The following CDH20 variants were observed in gnomAD, a reference collection of about 807,000 sequenced individuals.
CDH20 encodes the protein cadherin 20.
A neutral mutation model predicts 74.2 loss-of-function variants in CDH20; 29 were observed. The ratio of observed to expected loss-of-function variants is 0.39; its 90% CI spans 0.29 to 0.53. CDH20 has a LOEUF of 0.53. Ranked by LOEUF, CDH20 falls within the 20% of genes least tolerant of loss-of-function variation. CDH20 has a pLI of 0.69. For missense variants in CDH20, 988 were observed against 1,048.3 expected, an observed-to-expected ratio of 0.94 and a Z score of 0.79; for synonymous variants, 469 against 405.4, an observed-to-expected ratio of 1.16 and a Z score of -1.88.
chr18:61,493,485 T>G (rs1437400598), intron 2 of CDH20, among the ~76,000 whole-genome samples: 1 of 152,144 alleles, frequency 6.6e-6, no homozygotes, highest in East Asian at 1.9e-4. Context: ...GACTTCCTCC[T>G]CCCTCACTCA....
At position 61,353,729 on chromosome 18, in the gene CDH20, G is replaced by A. The variant is rs947140588; in HGVS notation, c.-153+19902G>A. Among the ~76,000 whole-genome samples, 2 of 152,082 alleles carry A rather than the reference G, an allele frequency of 1.3e-5. No homozygotes were observed. The highest frequency in any genetic ancestry group is 2.4e-5 in the African/African-American group (1 of 41,398). On this transcript the variant is annotated intron_variant, in intron 1 of 11. Coordinates refer to ENST00000262717, the MANE Select transcript of CDH20 (RefSeq NM_031891.4). This position sits in a 1 kb window ranked among gnomAD's most constrained non-coding sequence, Gnocchi z 4.6. ...TTGGCCTGCACTAGCCAATACAGCA[G>A]CTACTAACTACACAAGGACGTTCAG...
At chr18:61,521,226 A>C (rs1212635916) in intron 6 of CDH20, among the ~76,000 whole-genome samples, 1 of 151,286 alleles carries the variant, frequency 6.6e-6, no homozygotes, top group African/African-American at 2.5e-5. Context: ...GACACAATAA[A>C]AAATGATAAA....
chr18:61,511,312 C>T (rs1442582374), intron 6 of CDH20, among the ~76,000 whole-genome samples: 1 of 151,686 alleles, frequency 6.6e-6, no homozygotes, highest in African/African-American at 2.4e-5. Context: ...TGCAGTGAGC[C>T]ATGATCATGC....
Position 61,555,266 on chromosome 18 carries a change from C to T in CDH20, c.*571C>T. On this transcript the variant is annotated 3_prime_UTR_variant, in exon 12 of 12. Coordinates refer to ENST00000262717, the MANE Select transcript of CDH20 (RefSeq NM_031891.4). The stretch of plus-strand genomic sequence containing the variant: ...GAGACAAGGTTAAGACTGAATCAGC[C>T]TTGCATGGGGGTGGATGGGTGGGAG... 19 of 503,028 alleles carry T rather than the reference C, an allele frequency of 3.8e-5. No individual in the cohort carries two copies. The highest frequency in any genetic ancestry group is 4.0e-5 in the Non-Finnish European group (17 of 420,624). 31.2% of individuals were successfully genotyped at this position (503,028 alleles called of 1,614,324 possible). A position where few individuals can be genotyped will look rare whatever the true frequency, so the allele number is the denominator to read the frequency against.
At chr18:61,436,248 G>A (rs957816503) in intron 1 of CDH20, among the ~76,000 whole-genome samples, 17 of 152,086 alleles carry the variant, frequency 1.1e-4, no homozygotes, top group Admixed American at 1.0e-3. Flanking sequence ...ACAAGATTTT[G>A]TATAGACATA....
chr18:61,375,482 A>T (rs944708285), intron 1 of CDH20, among the ~76,000 whole-genome samples: 7 of 152,168 alleles, frequency 4.6e-5, no homozygotes, highest in Non-Finnish European at 7.4e-5. Flanking sequence ...GTGAAAAACA[A>T]TCCTTCGTGC....
At chr18:61,452,253 T>C (rs1909417968) in intron 1 of CDH20, among the ~76,000 whole-genome samples, 1 of 129,486 alleles carries the variant, frequency 7.7e-6, no homozygotes. Flanking sequence ...TTTTATGTAC[T>C]GTATGTGTGA....
chr18:61,392,548 T>C (rs1042854088), intron 1 of CDH20, among the ~76,000 whole-genome samples: 2 of 152,130 alleles, frequency 1.3e-5, no homozygotes, highest in African/African-American at 4.8e-5. Flanking sequence ...GAATTATGTA[T>C]TTCTAGATTA....
chr18:61,381,849 C>T (rs1911442825), intron 1 of CDH20, among the ~76,000 whole-genome samples: 1 of 152,130 alleles, frequency 6.6e-6, no homozygotes, highest in Non-Finnish European at 1.5e-5. Context: ...TAAAACTGAC[C>T]TTCCCTCTCA....
At chr18:61,407,203 G>A (rs1047783605) in intron 1 of CDH20, among the ~76,000 whole-genome samples, 1 of 152,144 alleles carries the variant, frequency 6.6e-6, no homozygotes, top group African/African-American at 2.4e-5. Flanking sequence ...CTTGGAGCGA[G>A]GCACCTGCCC....
Position 61,490,652 on chromosome 18 carries a change from C to G in CDH20, c.99C>G (p.Leu33=), listed in dbSNP as rs1254955817. ...WGLMDLTTTV[L]SDTPTPQGEL... ...TGATGGACCTTACGACCACCGTTCT[C>G]TCGGACACCCCAACACCACAAGGTG... The change falls in exon 2 of 12, where the codon CTC becomes CTG. Residue 33 remains leucine (L), a synonymous_variant. Transcript: ENST00000262717. The G allele has an allele frequency of 6.2e-7, 1 of 1,614,024 alleles. No individual in the cohort carries two copies. The highest frequency in any genetic ancestry group is 2.2e-5 in the East Asian group (1 of 44,886).
At chr18:61,349,572 T>G (rs2144109046) in intron 1 of CDH20, among the ~76,000 whole-genome samples, 1 of 152,332 alleles carries the variant, frequency 6.6e-6, no homozygotes, top group East Asian at 1.9e-4. Flanking sequence ...GATTCACTCC[T>G]ACACAGCACA....
intron 1 of CDH20, among the ~76,000 whole-genome samples, chr18:61,412,996 A>C (rs1380503547): frequency 6.6e-6 from 1 of 152,236 alleles, no homozygotes; most frequent in Non-Finnish European, 1.5e-5. Context: ...TGTAATTAAG[A>C]AAGTGAAAGC....
intron 2 of CDH20, among the ~76,000 whole-genome samples, chr18:61,494,406 T>C (rs1190126284): frequency 6.6e-6 from 1 of 152,132 alleles, no homozygotes; most frequent in Admixed American, 6.5e-5. Flanking sequence ...CCAACCAAGA[T>C]ACAAGACACC....
intron 1 of CDH20, among the ~76,000 whole-genome samples, chr18:61,462,397 T>G (rs78995492): frequency 0.022 from 3,350 of 152,228 alleles, 55 homozygotes; most frequent in African/African-American, 0.05. Flanking sequence ...AATATTGGGT[T>G]AAGGACCCAT....
chr18:61,545,160 G>C lies in CDH20; in HGVS notation c.1648+16G>C. On this transcript the variant is annotated intron_variant, in intron 10 of 11. Transcript: ENST00000262717. ...GACAACCAAGGTAATCAGGTGGATG[G>C]TTGGCTATCTGTGCTTTTCTACAGC... The C allele has an allele frequency of 1.3e-6, 2 of 1,529,594 alleles. No homozygotes were observed. Among genetic ancestry groups the C allele is most frequent in the Non-Finnish European group, 1.8e-6 (2 of 1,102,928 alleles). 94.8% of individuals were successfully genotyped at this position (1,529,594 alleles called of 1,614,324 possible).
At chr18:61,364,636 G>A (rs1910802327) in intron 1 of CDH20, among the ~76,000 whole-genome samples, 1 of 141,426 alleles carries the variant, frequency 7.1e-6, no homozygotes. Context: ...TATTTCCTGA[G>A]AGAGGTGGTT....
At chr18:61,472,296 C>T (rs566441422) in intron 1 of CDH20, among the ~76,000 whole-genome samples, 3 of 152,182 alleles carry the variant, frequency 2.0e-5, no homozygotes, top group South Asian at 4.2e-4. Flanking sequence ...TACTTCCCCC[C>T]GAGAGACGTG....
chr18:61,381,170 A>T (rs192234204), intron 1 of CDH20, among the ~76,000 whole-genome samples: 1 of 152,308 alleles, frequency 6.6e-6, no homozygotes, highest in East Asian at 1.9e-4. Flanking sequence ...AATATCACCA[A>T]GTTGTCAGTC....
Sources: allele counts gnomAD v4.1 joint callset (sites outside exome capture counted in the v4.1 genomes callset), GRCh38; gene constraint gnomAD v4.1.1; non-coding constraint Gnocchi (gnomAD v3.1); transcripts MANE v1.5; gene names NCBI Gene and HGNC (gene_info 2026-07-23, HGNC 2026-07-21).